The following DPPA4 variants were observed in gnomAD, a reference collection of about 807,000 sequenced individuals.
DPPA4 encodes the protein developmental pluripotency-associated protein 4.
In DPPA4, 22 loss-of-function variants were observed where a neutral mutation model predicts 33.7. The observed-to-expected ratio is 0.65, with a 90% CI of 0.47 to 0.93. DPPA4 has a LOEUF of 0.93. DPPA4 is among the 40% of genes least tolerant of loss of function. The pLI, the probability that DPPA4 is intolerant of heterozygous loss-of-function variation, is 0.00. For missense variants in DPPA4, 340 were observed against 358.6 expected (o/e 0.95, Z 0.42); for synonymous variants, 156 against 132.3 (o/e 1.18, Z -1.23).
At chr3:109,330,879 A>C in intron 4 of DPPA4, 67 bp from the exon 5 acceptor site, 1 of 488,130 alleles carries the variant, frequency 2.0e-6, no homozygotes, top group Non-Finnish European at 2.7e-6. Context: ...TGGCCTAAGG[A>C]GCTCTTGATC....
intron 1 of DPPA4, among the ~76,000 whole-genome samples, chr3:109,334,452 T>C (rs146996790): frequency 4.6e-5 from 7 of 151,820 alleles, no homozygotes; most frequent in African/African-American, 1.4e-4. Flanking sequence ...GAGACTGAGA[T>C]AGGAGGATTG....
chr3:109,336,043 A>G (rs1362276658), intron 1 of DPPA4, among the ~76,000 whole-genome samples: 1 of 151,454 alleles, frequency 6.6e-6, no homozygotes, highest in Non-Finnish European at 1.5e-5. Flanking sequence ...ATCCCAGCTA[A>G]TCGAGAGGCT....
intron 4 of DPPA4, 100 bp from the exon 5 acceptor site, chr3:109,330,912 G>T: frequency 9.3e-7 from 1 of 1,073,942 alleles, no homozygotes; most frequent in Non-Finnish European, 1.3e-6. Context: ...TCACTTAGGA[G>T]GACTAGGTTC....
At position 109,332,848 on chromosome 3, in the gene DPPA4, T is replaced by A. The variant is rs908367817; in HGVS notation, c.179-817A>T. Among the ~76,000 whole-genome samples, 9 of 152,312 alleles carry A rather than the reference T, an allele frequency of 5.9e-5. No individual in the cohort carries two copies. The East Asian group carries it at 1.7e-3, about 29-fold the overall frequency. On this transcript the variant is annotated intron_variant, in intron 2 of 6. Transcript: ENST00000335658. Reference sequence around the variant, plus strand: ...TGGCTCACACTGTAATCCCAGCACTTTGGGAGGCCGAGGTGGGTGGATAAC... The same window carrying A: ...TGGCTCACACTGTAATCCCAGCACTATGGGAGGCCGAGGTGGGTGGATAAC...
In DPPA4 at chr3:109,331,662, C is replaced by T. The variant is rs1051940765; in HGVS notation, c.390+72G>A. ...GGAACAAGGTGAGGCTAAGACAGTT[C>T]CTTTACTCACTTTTGAGGCTACAAT... is the stretch of plus-strand genomic sequence containing the variant. On this transcript the variant is annotated intron_variant, in intron 4 of 6. Transcript: ENST00000335658. 3 of 1,436,546 alleles carry T rather than the reference C, an allele frequency of 2.1e-6. No individual in the cohort carries two copies. In the African/African-American group the frequency reaches 4.2e-5, roughly 20 times the overall value. The allele number at this position is 1,436,546 out of a possible 1,614,324, so 89.0% of individuals were successfully genotyped here.
At chr3:109,338,114 TG>T (rs200120969), upstream of DPPA4, among the ~76,000 whole-genome samples, 16 of 152,088 alleles carry the variant, frequency 1.1e-4, no homozygotes, top group Admixed American at 9.8e-4. Context: ...AGAGGGCAAG[TG>T]GGGGGGTCTG....
intron 1 of DPPA4, among the ~76,000 whole-genome samples, chr3:109,334,532 CAA>C (rs879502804): frequency 5.1e-5 from 7 of 138,400 alleles, no homozygotes; most frequent in East Asian, 2.1e-4. Context: ...GAGACTGTCT[CAA>C]AAAAAAAAAA....
At chr3:109,338,029 G>A (rs1015100243), upstream of DPPA4, among the ~76,000 whole-genome samples, 1 of 152,078 alleles carries the variant, frequency 6.6e-6, no homozygotes, top group African/African-American at 2.4e-5. Context: ...TACTAATACC[G>A]AGCATCTTTT....
chr3:109,337,333 A>AT, intron 1 of DPPA4, 131 bp downstream of exon 1: 1 of 670,000 alleles, frequency 1.5e-6, no homozygotes, highest in Non-Finnish European at 2.5e-6. Flanking sequence ...TCTTAAAATA[A>AT]AAAAAAAAAA....
At chr3:109,334,667 A>G (rs905025750) in intron 1 of DPPA4, among the ~76,000 whole-genome samples, 1 of 152,190 alleles carries the variant, frequency 6.6e-6, no homozygotes, top group African/African-American at 2.4e-5. Flanking sequence ...TGACACTATG[A>G]AAAGTTTCAG....
At position 109,337,532 on chromosome 3, in the gene DPPA4, C is replaced by T; in HGVS notation, c.-15G>A. 6.2e-7 allele frequency: 1 copy of T among 1,613,948 alleles called. No individual in the cohort carries two copies. The highest frequency in any genetic ancestry group is 8.5e-7 in the Non-Finnish European group (1 of 1,179,898). ...CCTCGCAACATGCTTCCAAAATGGC[C>T]CCTGCCCCAAGATTGCTATTTGCAA... On this transcript the variant is annotated 5_prime_UTR_variant, in exon 1 of 7. Transcript: ENST00000335658.
intron 1 of DPPA4, among the ~76,000 whole-genome samples, chr3:109,337,014 C>T (rs1339431915): frequency 6.6e-6 from 1 of 152,178 alleles, no homozygotes; most frequent in Non-Finnish European, 1.5e-5. Context: ...GATTCTCCTG[C>T]CTCAGCCTCC....
chr3:109,337,609 C>T (rs1342599513), upstream of DPPA4: 1 of 1,073,450 alleles, frequency 9.3e-7, no homozygotes, highest in Non-Finnish European at 1.4e-6. Flanking sequence ...TCCACCTCAC[C>T]TCTTCTTTTC....
At chr3:109,329,774 C>G (rs894469354) in intron 5 of DPPA4, 1 of 152,498 alleles carries the variant, frequency 6.6e-6, no homozygotes, top group East Asian at 1.9e-4. Context: ...GTAGGTATTA[C>G]CCATTTTACA....
intron 5 of DPPA4, 156 bp from the exon 6 acceptor site, chr3:109,329,244 A>G: frequency 1.4e-6 from 1 of 699,182 alleles, no homozygotes; most frequent in South Asian, 1.9e-5. Flanking sequence ...CTCCTTTAGA[A>G]AAGCATACAA....
intron 5 of DPPA4, chr3:109,329,347 A>C: frequency 5.6e-6 from 2 of 357,926 alleles, no homozygotes; most frequent in East Asian, 1.1e-4. Context: ...CATCCTGGCT[A>C]ACACAGTGAA....
intron 1 of DPPA4, among the ~76,000 whole-genome samples, chr3:109,336,899 T>G (rs1285320498): frequency 6.6e-6 from 1 of 152,136 alleles, no homozygotes; most frequent in Non-Finnish European, 1.5e-5. Flanking sequence ...AAAACCTAAT[T>G]TTTTAACTTT....
chr3:109,327,830 T>C lies in DPPA4; in HGVS notation c.*158A>G. The C allele has an allele frequency of 1.7e-6, 1 of 595,720 alleles. No homozygotes were observed. Among genetic ancestry groups the C allele is most frequent in the Non-Finnish European group, 3.0e-6 (1 of 334,272 alleles). 36.9% of individuals were successfully genotyped at this position (595,720 alleles called of 1,614,324 possible). A position where few individuals can be genotyped will look rare whatever the true frequency, so the allele number is the denominator to read the frequency against. On this transcript the variant is annotated 3_prime_UTR_variant, in exon 7 of 7. Coordinates refer to ENST00000335658, the MANE Select transcript of DPPA4 (RefSeq NM_018189.4). Reference sequence around the variant, plus strand: ...TCTCCACTCACAAAGCAACAGGCACTGCTAGGGGTCTTAGGCTAACATCTG... The same window carrying C: ...TCTCCACTCACAAAGCAACAGGCACCGCTAGGGGTCTTAGGCTAACATCTG...
intron 5 of DPPA4, 193 bp downstream of exon 5, chr3:109,330,331 A>AAAAAAAG (rs777601172): frequency 2.8e-6 from 1 of 356,500 alleles, no homozygotes; most frequent in African/African-American, 6.3e-5. Flanking sequence ...AAAAAAAAAA[A>AAAAAAAG]GGAAAAAAAA....
Sources: gnomAD v4.1 joint callset for allele counts (sites outside exome capture counted in the v4.1 genomes callset) on GRCh38, gnomAD v4.1.1 for gene constraint, MANE v1.5 for transcripts, NCBI Gene and HGNC (gene_info 2026-07-23, HGNC 2026-07-21) for gene names.